The following DUSP22 variants were observed in gnomAD, a reference collection of about 807,000 sequenced individuals.
DUSP22 encodes dual specificity protein phosphatase 22.
DUSP22 carries 24 observed loss-of-function variants against 24.5 expected under a neutral mutation model. The ratio of observed to expected loss-of-function variants is 0.98; its 90% CI spans 0.71 to 1.38. DUSP22 has a LOEUF of 1.38. Among genes scored for constraint, DUSP22 ranks in the 40% most tolerant of loss-of-function variants. DUSP22 has a pLI of 0.00. For synonymous variants in DUSP22, 160 were observed against 106.4 expected (o/e 1.50, Z -3.10); for missense variants, 330 against 269.2 (o/e 1.23, Z -1.58).
intron 3 of DUSP22, among the ~76,000 whole-genome samples, chr6:326,325 G>T (rs949997005): frequency 1.4e-5 from 2 of 148,102 alleles, no homozygotes; most frequent in East Asian, 4.1e-4. Context: ...AGAGTCATCT[G>T]CCCTGGGCTT....
chr6:348,316 C>G, intron 6 of DUSP22, 42 bp downstream of exon 6: 1 of 1,611,142 alleles, frequency 6.2e-7, no homozygotes, highest in Non-Finnish European at 8.5e-7. Flanking sequence ...AGGCAGGTGC[C>G]CCTGAACGGT....
chr6:312,973 T>TC (rs1198440647), intron 3 of DUSP22, among the ~76,000 whole-genome samples: 1 of 152,232 alleles, frequency 6.6e-6, no homozygotes, highest in Admixed American at 6.5e-5. Context: ...ATAATTTTTT[T>TC]TTTTTTTTTG....
Position 349,123 on chromosome 6 carries a change from C to G in DUSP22, c.*172C>G. ...CCCAGCCCTGCTCCAGGCCCCTGCACTCCGCCCACCCCTACCCTGGCTGCA... is the reference window on the plus strand; with the variant it reads ...CCCAGCCCTGCTCCAGGCCCCTGCAGTCCGCCCACCCCTACCCTGGCTGCA... On this transcript the variant is annotated 3_prime_UTR_variant, in exon 7 of 7. Transcript: ENST00000419235. 1 of 1,442,534 alleles carries G rather than the reference C, an allele frequency of 6.9e-7. No homozygotes were observed. Among genetic ancestry groups the G allele is most frequent in the Admixed American group, 2.8e-5 (1 of 35,902 alleles). 89.4% of individuals were successfully genotyped at this position (1,442,534 alleles called of 1,614,324 possible). A position where few individuals can be genotyped will look rare whatever the true frequency, so the allele number is the denominator to read the frequency against.
chr6:297,426 A>G (rs1470662552), intron 1 of DUSP22, among the ~76,000 whole-genome samples: 1 of 152,426 alleles, frequency 6.6e-6, no homozygotes, highest in Non-Finnish European at 1.5e-5. Context: ...ATGAGGGAGT[A>G]TAGTTGGGAA....
At position 348,070 on chromosome 6, in the gene DUSP22, GCCCTCACACATGT is replaced by G; in HGVS notation, c.264-32_264-20del. 6.2e-7 allele frequency: 1 copy of G among 1,612,064 alleles called. No individual in the cohort carries two copies. The highest frequency in any genetic ancestry group is 1.7e-5 in the Admixed American group (1 of 59,964). On this transcript the variant is annotated intron_variant, in intron 5 of 6. Coordinates refer to ENST00000419235, the MANE Select transcript of DUSP22 (RefSeq NM_001286555.3). ...GCGATGAACCCGGAGATCTGAAACT[GCCCTCACACATGT>G]GCTTCTCTTGGCCCCGCAGCCTGGC...
intron 3 of DUSP22, among the ~76,000 whole-genome samples, chr6:323,041 A>G (rs966986884): frequency 6.6e-6 from 1 of 152,296 alleles, no homozygotes. Context: ...CTGCTAGGCA[A>G]TGCAGGTGGA....
intron 2 of DUSP22, among the ~76,000 whole-genome samples, chr6:305,784 C>CA (rs1757792983): frequency 6.6e-6 from 1 of 152,298 alleles, no homozygotes; most frequent in Non-Finnish European, 1.5e-5. Context: ...GGTCCCCACT[C>CA]ATGTTAGGTT....
At chr6:301,381 G>T (rs1457565306) in intron 1 of DUSP22, among the ~76,000 whole-genome samples, 1 of 152,308 alleles carries the variant, frequency 6.6e-6, no homozygotes, top group African/African-American at 2.4e-5. Flanking sequence ...ACCTGGCTCG[G>T]CTGGACATAA....
chr6:341,830 C>T (rs1759622311), intron 4 of DUSP22, among the ~76,000 whole-genome samples: 2 of 152,300 alleles, frequency 1.3e-5, no homozygotes, highest in African/African-American at 4.8e-5. Flanking sequence ...TCTCCATAAC[C>T]TCCTCAGCTC....
chr6:297,057 C>T (rs1319691540), intron 1 of DUSP22, among the ~76,000 whole-genome samples: 1 of 152,302 alleles, frequency 6.6e-6, no homozygotes, highest in Non-Finnish European at 1.5e-5. Context: ...CGCACTGTTG[C>T]TAAGAGGGGC....
chr6:321,018 G>C (rs1283416848), intron 3 of DUSP22, among the ~76,000 whole-genome samples: 2 of 152,302 alleles, frequency 1.3e-5, no homozygotes, highest in Non-Finnish European at 2.9e-5. Flanking sequence ...CAAGGGCCCT[G>C]GGCACCCAGG....
intron 1 of DUSP22, among the ~76,000 whole-genome samples, chr6:295,206 C>G (rs1341181903): frequency 6.6e-6 from 1 of 152,270 alleles, no homozygotes; most frequent in African/African-American, 2.4e-5. Flanking sequence ...TGTGTGTGCC[C>G]TGAGGTTACT....
intron 3 of DUSP22, among the ~76,000 whole-genome samples, chr6:314,592 GGCCAT>G (rs1758259685): frequency 6.6e-6 from 1 of 152,308 alleles, no homozygotes; most frequent in African/African-American, 2.4e-5. Flanking sequence ...TGTTGGATGT[GGCCAT>G]GCAAGTTTAG....
chr6:346,198 G>A (rs1251455632), intron 5 of DUSP22, among the ~76,000 whole-genome samples: 1 of 152,300 alleles, frequency 6.6e-6, no homozygotes, highest in East Asian at 1.9e-4. Context: ...CTGGACAACA[G>A]AAACTTCCCT....
chr6:316,043 C>A (rs958401811), intron 3 of DUSP22, among the ~76,000 whole-genome samples: 2 of 152,308 alleles, frequency 1.3e-5, no homozygotes, highest in African/African-American at 4.8e-5. Flanking sequence ...TTGGCGATGC[C>A]TAAGAATTCA....
At chr6:315,136 C>A (rs1268672650) in intron 3 of DUSP22, among the ~76,000 whole-genome samples, 1 of 152,308 alleles carries the variant, frequency 6.6e-6, no homozygotes, top group Admixed American at 6.5e-5. Flanking sequence ...CCTATGTCTC[C>A]AATTACTACC....
chr6:336,272 G>A (rs983504451), intron 4 of DUSP22, among the ~76,000 whole-genome samples: 12 of 152,424 alleles, frequency 7.9e-5, no homozygotes, highest in African/African-American at 2.4e-4. Flanking sequence ...TCCTAGAACT[G>A]TGTGTTACTG....
At chr6:325,352 G>A in intron 3 of DUSP22, 1 of 209,230 alleles carries the variant, frequency 4.8e-6, no homozygotes, top group Non-Finnish European at 9.1e-6. Flanking sequence ...ATCCTGGTGT[G>A]TGCAGTGCTG....
At chr6:317,723 C>A (rs1469185895) in intron 3 of DUSP22, among the ~76,000 whole-genome samples, 3 of 152,308 alleles carry the variant, frequency 2.0e-5, no homozygotes, top group African/African-American at 7.2e-5. Flanking sequence ...CCCACACAGG[C>A]AGCTGCCGTG....
Sources: gnomAD v4.1 joint callset for allele counts (sites outside exome capture counted in the v4.1 genomes callset) on GRCh38, gnomAD v4.1.1 for gene constraint, MANE v1.5 for transcripts, NCBI Gene and HGNC (gene_info 2026-07-23, HGNC 2026-07-21) for gene names.